The following PICALM variants were observed in gnomAD, a reference collection of about 807,000 sequenced individuals.
PICALM encodes phosphatidylinositol binding clathrin assembly protein, also known as phosphatidylinositol-binding clathrin assembly protein.
A neutral mutation model predicts 80.5 loss-of-function variants in PICALM; 40 were observed. The ratio of observed to expected loss-of-function variants is 0.50; its 90% CI spans 0.39 to 0.65. The LOEUF is 0.65. PICALM is among the 30% of genes least tolerant of loss of function. The probability of loss-of-function intolerance (pLI) is 0.00; values close to 1 mark genes in which losing one functional copy is unlikely to be tolerated. For missense variants in PICALM, 676 were observed against 778.9 expected (o/e 0.87, Z 1.57); for synonymous variants, 288 against 260.3 (o/e 1.11, Z -1.02).
chr11:85,973,396 G>C (rs2094171576), intron 19 of PICALM, among the ~76,000 whole-genome samples: 2 of 152,216 alleles, frequency 1.3e-5, no homozygotes, highest in African/African-American at 4.8e-5. Flanking sequence ...TAGGTAAGTA[G>C]AGGATATTAA....
chr11:85,990,694 C>A (rs2094741706), intron 12 of PICALM, among the ~76,000 whole-genome samples: 1 of 152,062 alleles, frequency 6.6e-6, no homozygotes, highest in Non-Finnish European at 1.5e-5. Context: ...AAGAGCCACC[C>A]ATCTTGCACC....
chr11:86,007,527 TAA>T lies in PICALM; in HGVS notation c.807+13_807+14del. 1 of 1,454,916 alleles carries T rather than the reference TAA, an allele frequency of 6.9e-7. No individual in the cohort carries two copies. Among genetic ancestry groups the T allele is most frequent in the Non-Finnish European group, 9.6e-7 (1 of 1,040,194 alleles). 90.1% of individuals were successfully genotyped at this position (1,454,916 alleles called of 1,614,324 possible). The stretch of plus-strand genomic sequence containing the variant: ...CACAACAGATAGTGGATTGGTATTT[TAA>T]CAATAAACTTACCTGTGAAAGGTCT... On this transcript the variant is annotated intron_variant, in intron 8 of 19. Transcript: ENST00000393346.
At chr11:85,966,068 C>T (rs576086737) in intron 19 of PICALM, among the ~76,000 whole-genome samples, 2 of 152,186 alleles carry the variant, frequency 1.3e-5, no homozygotes, top group Admixed American at 6.5e-5. Flanking sequence ...GCACCCCTCC[C>T]CCAGCCTCCC....
In PICALM at chr11:86,022,462, G is replaced by T; in HGVS notation, c.357C>A (p.Asp119Glu). 2 of 1,470,080 alleles carry T rather than the reference G, an allele frequency of 1.4e-6. No individual in the cohort carries two copies. Among genetic ancestry groups the T allele is most frequent in the Admixed American group, 4.5e-5 (2 of 44,284 alleles). 91.1% of individuals were successfully genotyped at this position (1,470,080 alleles called of 1,614,324 possible). A position where few individuals can be genotyped will look rare whatever the true frequency, so the allele number is the denominator to read the frequency against. ...TATACCGCCTAATAAATGTAGACAT[G>T]TCATATCCTGTAAAAAAACAAAAAC... ...FLDKSGLQGY[D>E]MSTFIRRYSR... is the part of the protein sequence containing the mutation. The change falls in exon 4 of 20, where the codon GAC (aspartate) becomes GAA (glutamate). Residue 119 changes from aspartate (D) to glutamate (E), a missense_variant. Asp to Glu is a conservative substitution (Grantham distance 45, BLOSUM62 2). Transcript: ENST00000393346.
rs922277366 is a variant in PICALM, at chr11:85,958,692, T to A, written c.*354A>T. 4 of 262,402 alleles carry A rather than the reference T, an allele frequency of 1.5e-5. No homozygotes were observed. The highest frequency in any genetic ancestry group is 8.6e-5 in the African/African-American group (4 of 46,288). 16.3% of individuals were successfully genotyped at this position (262,402 alleles called of 1,614,324 possible). A position where few individuals can be genotyped will look rare whatever the true frequency, so the allele number is the denominator to read the frequency against. On this transcript the variant is annotated 3_prime_UTR_variant, in exon 20 of 20. Transcript: ENST00000393346. ...TACAGTAAAGGACACAGTTCTTCTCTCCAGGCAGCTTTTCCAAATACAAAT... is the reference window on the plus strand; with the variant it reads ...TACAGTAAAGGACACAGTTCTTCTCACCAGGCAGCTTTTCCAAATACAAAT...
chr11:85,984,043 T>C (rs1307473801), intron 13 of PICALM, 70 bp from the exon 14 acceptor site: 3 of 703,224 alleles, frequency 4.3e-6, no homozygotes, highest in Admixed American at 2.8e-5. Context: ...TTAATAATGA[T>C]GACAATAGAA....
chr11:86,006,022 T>A (rs144286415), intron 8 of PICALM, among the ~76,000 whole-genome samples: 278 of 152,314 alleles, frequency 1.8e-3, no homozygotes, highest in African/African-American at 6.3e-3. Flanking sequence ...GATGACGGCC[T>A]GTAACTTCTA....
chr11:85,973,343 T>C (rs1330960154), intron 19 of PICALM, among the ~76,000 whole-genome samples: 1 of 152,194 alleles, frequency 6.6e-6, no homozygotes, highest in Non-Finnish European at 1.5e-5. Flanking sequence ...ACTATTTCAC[T>C]TTCTGTGGTT....
At position 86,056,946 on chromosome 11, in the gene PICALM, C is replaced by T. The variant is rs372639439; in HGVS notation, c.130+11705G>A. ...CACATATTGTATGACTCCATTAATA[C>T]GAAATGTACAGAACAGAAAAATTCA... On this transcript the variant is annotated intron_variant, in intron 1 of 19. Transcript: ENST00000393346. Among the ~76,000 whole-genome samples the T allele has an allele frequency of 1.7e-3, 252 of 152,190 alleles. 1 individual carries two copies. The highest frequency in any genetic ancestry group is 5.7e-3 in the African/African-American group (238 of 41,520).
In PICALM at chr11:85,995,170, AC is replaced by A. The variant is rs368992223; in HGVS notation, c.1258+1655del. On this transcript the variant is annotated intron_variant, in intron 12 of 19. Transcript: ENST00000393346. ...TCTTCAGTATCATGCAGAAGTCAAAACCTTGTTTATCACCAACTCAGAAGCC... is the reference window on the plus strand; with the variant it reads ...TCTTCAGTATCATGCAGAAGTCAAAACTTGTTTATCACCAACTCAGAAGCC... Among the ~76,000 whole-genome samples, 860 of 152,288 alleles carry A rather than the reference AC, an allele frequency of 5.6e-3. 11 individuals are homozygous for A. The highest frequency in any genetic ancestry group is 0.02 in the African/African-American group (815 of 41,550).
At chr11:85,975,189 G>C (rs1276849470) in intron 18 of PICALM, among the ~76,000 whole-genome samples, 1 of 152,148 alleles carries the variant, frequency 6.6e-6, no homozygotes, top group Non-Finnish European at 1.5e-5. Flanking sequence ...AAATTTCAAA[G>C]TAAATTTGTA....
intron 1 of PICALM, among the ~76,000 whole-genome samples, chr11:86,047,939 A>C (rs188907303): frequency 1.1e-3 from 166 of 152,112 alleles, no homozygotes; most frequent in African/African-American, 3.8e-3. Flanking sequence ...GTCTCTACTA[A>C]AAATATAAAA....
chr11:86,002,140 G>C (rs948982319), intron 9 of PICALM, among the ~76,000 whole-genome samples: 3 of 152,304 alleles, frequency 2.0e-5, no homozygotes, highest in Non-Finnish European at 4.4e-5. Flanking sequence ...TGGTGCACCT[G>C]AACTACGTGG....
rs1003388367 is a variant in PICALM at position 86,014,862 on chromosome 11, T to A, written c.546+8A>T. 2.8e-6 allele frequency: 4 copies of A among 1,444,146 alleles called. No individual in the cohort carries two copies. The highest frequency in any genetic ancestry group is 3.8e-6 in the Non-Finnish European group (4 of 1,044,076). The allele number at this position is 1,444,146 out of a possible 1,614,324, so 89.5% of individuals were successfully genotyped here. A position where few individuals can be genotyped will look rare whatever the true frequency, so the allele number is the denominator to read the frequency against. ...TTTAAAATCTTAAATTACAAAAGCA[T>A]AACTCACATTAAAATCAAGAAGTGC... On this transcript the variant is annotated splice_region_variant and intron_variant, in intron 5 of 19. Transcript: ENST00000393346.
chr11:86,028,378 TTG>T (rs1225376509), intron 2 of PICALM, among the ~76,000 whole-genome samples: 1 of 152,216 alleles, frequency 6.6e-6, no homozygotes, highest in Non-Finnish European at 1.5e-5. Flanking sequence ...CACTCTACTA[TTG>T]TGTATATTAG....
chr11:85,963,526 T>C (rs117076109), intron 19 of PICALM, among the ~76,000 whole-genome samples: 8 of 152,330 alleles, frequency 5.3e-5, no homozygotes, highest in Middle Eastern at 3.4e-3. Flanking sequence ...AAGTGGTCAA[T>C]TGTAATGGTC....
chr11:85,963,289 A>G (rs1371704643), intron 19 of PICALM, among the ~76,000 whole-genome samples: 1 of 152,214 alleles, frequency 6.6e-6, no homozygotes, highest in East Asian at 1.9e-4. Flanking sequence ...TGTTCTGGAC[A>G]CCAAGACAAA....
At chr11:86,010,439 G>A (rs2095373143) in intron 7 of PICALM, among the ~76,000 whole-genome samples, 1 of 151,504 alleles carries the variant, frequency 6.6e-6, no homozygotes, top group Admixed American at 6.6e-5. Context: ...TGATTCTCCT[G>A]CCTCAGCCTC....
chr11:86,028,702 A>G (rs1363357371), intron 2 of PICALM, among the ~76,000 whole-genome samples: 1 of 152,218 alleles, frequency 6.6e-6, no homozygotes, highest in Non-Finnish European at 1.5e-5. Flanking sequence ...TTAAGGGTCT[A>G]TAACACAATG....
Sources: gnomAD v4.1 joint callset for allele counts (sites outside exome capture counted in the v4.1 genomes callset) on GRCh38, gnomAD v4.1.1 for gene constraint, MANE v1.5 for transcripts, NCBI Gene and HGNC (gene_info 2026-07-23, HGNC 2026-07-21) for gene names.